Variants in LRRC9 observed in about 807,000 individuals in gnomAD.
LRRC9 encodes the protein leucine rich repeat containing 9.
Under a neutral mutation model 63.2 loss-of-function variants are expected in LRRC9, and 122 were observed. That is an observed-to-expected ratio of 1.93 (90% CI 1.67 to 2.24). The LOEUF (loss-of-function observed/expected upper bound fraction) is 2.24, where lower values mean the gene tolerates loss of function less well. Ranked by LOEUF, LRRC9 falls within the 30% of genes most tolerant of loss-of-function variation. LRRC9 has a pLI of 0.00. For synonymous variants in LRRC9, 366 were observed against 213.1 expected, an observed-to-expected ratio of 1.72 and a Z score of -6.25; for missense variants, 1,071 against 627.7, an observed-to-expected ratio of 1.71 and a Z score of -7.55.
exon 18 of LRRC9, chr14:59,997,791 T>A: frequency 1.4e-6 from 1 of 702,220 alleles, no homozygotes; most frequent in Non-Finnish European, 2.6e-6. Flanking sequence ...AAATATGTTA[T>A]GCAAACACAC....
chr14:60,058,349 CA>C lies in LRRC9; in HGVS notation c.4276+330del, dbSNP rs767581688. Among the ~76,000 whole-genome samples the C allele has an allele frequency of 1.6e-4, 24 of 152,180 alleles. No homozygotes were observed. Among genetic ancestry groups the C allele is most frequent in the Non-Finnish European group, 3.1e-4 (21 of 67,976 alleles). ...TTATTTCATTTCATGGATGTCAGAG[CA>C]AACAACTACTAAAACCAGTTCATTA... On this transcript the variant is annotated intron_variant, in intron 31 of 31. Coordinates refer to ENST00000445360, the Ensembl canonical transcript of LRRC9. This position sits in a 1 kb window ranked among gnomAD's most constrained non-coding sequence, Gnocchi z 4.4.
At chr14:60,019,379 C>A (rs932378222) in intron 26 of LRRC9, 119 bp downstream of exon 26, 8 of 454,330 alleles carry the variant, frequency 1.8e-5, no homozygotes, top group Non-Finnish European at 2.7e-5. Flanking sequence ...TATTGTAATA[C>A]CTATTTTATT....
intron 17 of LRRC9, 67 bp downstream of exon 17, chr14:59,985,291 C>T (rs1887344732): frequency 3.6e-6 from 2 of 555,242 alleles, no homozygotes; most frequent in African/African-American, 3.7e-5. Context: ...TGGTGGTTAT[C>T]AGGGCCTAAG....
At chr14:60,054,009 G>GA in intron 30 of LRRC9, 1 of 421,202 alleles carries the variant, frequency 2.4e-6, no homozygotes, top group East Asian at 7.1e-5. Flanking sequence ...GAATATAAAT[G>GA]AATCTTTGAT....
chr14:59,992,739 G>A (rs139758821), intron 17 of LRRC9, among the ~76,000 whole-genome samples: 3,824 of 152,198 alleles, frequency 0.025, 115 homozygotes, highest in African/African-American at 0.079. Flanking sequence ...GAAATGAAGC[G>A]AGAAGAGAAG....
intron 29 of LRRC9, among the ~76,000 whole-genome samples, chr14:60,047,213 G>T (rs1016393667): frequency 6.6e-6 from 1 of 152,102 alleles, no homozygotes; most frequent in African/African-American, 2.4e-5. Context: ...AACAAACATA[G>T]TCGGAATTCC....
Position 59,938,158 on chromosome 14 carries a change from A to G in LRRC9, c.544-232A>G, listed in dbSNP as rs552510334. ...AGGTTCCAGCTGGAATACATGATTT[A>G]GTAAATATTTAAAAGGCATAGTGGT... On this transcript the variant is annotated intron_variant, in intron 6 of 31. Coordinates refer to ENST00000445360, the Ensembl canonical transcript of LRRC9. The surrounding 1 kb of genome is among the most constrained non-coding windows in gnomAD (Gnocchi z 4.2). Among the ~76,000 whole-genome samples, 2 of 152,288 alleles carry G rather than the reference A, an allele frequency of 1.3e-5. No individual in the cohort carries two copies. The highest frequency in any genetic ancestry group is 3.9e-4 in the East Asian group (2 of 5,192).
chr14:59,974,227 C>T (rs1320179071), intron 12 of LRRC9, among the ~76,000 whole-genome samples: 1 of 152,072 alleles, frequency 6.6e-6, no homozygotes, highest in Non-Finnish European at 1.5e-5. Flanking sequence ...TATAATACCT[C>T]ATTCCATTAG....
intron 19 of LRRC9, 96 bp from the exon 20 acceptor site, chr14:60,001,870 C>A (rs1889395418): frequency 4.7e-6 from 2 of 423,336 alleles, no homozygotes; most frequent in South Asian, 7.3e-5. Context: ...ATTTATTGGG[C>A]CACTCATCTT....
At chr14:60,059,160 T>C (rs7143989) in intron 31 of LRRC9, 82 of 152,340 alleles carry the variant, frequency 5.4e-4, no homozygotes, top group African/African-American at 1.8e-3. Flanking sequence ...TTATTGCATT[T>C]CACAGATATT....
In LRRC9 at chr14:60,051,246, A is replaced by G. The variant is rs1303422352; in HGVS notation, c.3991-1819A>G. ...CACAGGAGTTCCATCCCAGGGAGAG[A>G]TCAGGGTTCAGTGCATATAAGACTG... On this transcript the variant is annotated intron_variant, in intron 29 of 31. Coordinates refer to ENST00000445360, the Ensembl canonical transcript of LRRC9. This position sits in a 1 kb window ranked among gnomAD's most constrained non-coding sequence, Gnocchi z 4.7. Among the ~76,000 whole-genome samples, 2 of 152,170 alleles carry G rather than the reference A, an allele frequency of 1.3e-5. No individual in the cohort carries two copies. The highest frequency in any genetic ancestry group is 2.9e-5 in the Non-Finnish European group (2 of 68,016).
intron 28 of LRRC9, among the ~76,000 whole-genome samples, chr14:60,030,854 A>C (rs1157804411): frequency 1.3e-5 from 2 of 152,078 alleles, no homozygotes; most frequent in Non-Finnish European, 2.9e-5. Flanking sequence ...GCATATTAAA[A>C]ATGGGAAGCC....
At position 60,027,545 on chromosome 14, in the gene LRRC9, G is replaced by A. The variant is rs1467840550; in HGVS notation, c.3704-339G>A. ...TCTATTAGAGTACTAATATACTCAG[G>A]AAGCGTATCTTCTGCAGCAGTCTTC... On this transcript the variant is annotated intron_variant, in intron 27 of 31. Transcript: ENST00000445360. This position sits in a 1 kb window ranked among gnomAD's most constrained non-coding sequence, Gnocchi z 4.0. 3.3e-5 allele frequency among the ~76,000 whole-genome samples: 5 copies of A among 151,768 alleles called. No homozygotes were observed. The highest frequency in any genetic ancestry group is 5.9e-5 in the Non-Finnish European group (4 of 67,916).
rs1894059563 is a variant in LRRC9 at position 60,053,568 on chromosome 14, C to T, written c.4131+363C>T. ...AACATATCACTTTCATAAATAGAAA[C>T]TAACAATAAAACTATTTCCCTTTAG... On this transcript the variant is annotated intron_variant, in intron 30 of 31. Transcript: ENST00000445360. The surrounding 1 kb of genome is among the most constrained non-coding windows in gnomAD (Gnocchi z 4.8). 6.6e-6 allele frequency among the ~76,000 whole-genome samples: 1 copy of T among 152,100 alleles called. No homozygotes were observed. The highest frequency in any genetic ancestry group is 2.4e-5 in the African/African-American group (1 of 41,422).
intron 17 of LRRC9, among the ~76,000 whole-genome samples, chr14:59,993,992 C>A (rs1888460890): frequency 1.3e-5 from 2 of 152,168 alleles, no homozygotes; most frequent in South Asian, 2.1e-4. Flanking sequence ...CTCTCCACCC[C>A]AAATCAACAG....
At chr14:59,985,040 A>G (rs959451270) in intron 16 of LRRC9, 65 bp from the exon 17 acceptor site, 2 of 496,730 alleles carry the variant, frequency 4.0e-6, no homozygotes, top group Non-Finnish European at 7.2e-6. Flanking sequence ...TTACATATCC[A>G]CACTTCAGTT....
At position 60,010,577 on chromosome 14, in the gene LRRC9, G is replaced by A. The variant is rs769417652; in HGVS notation, c.3186+2363G>A. Among the ~76,000 whole-genome samples the A allele has an allele frequency of 7.2e-5, 11 of 152,250 alleles. No homozygotes were observed. In the East Asian group the frequency reaches 1.7e-3, roughly 24 times the overall value. On this transcript the variant is annotated intron_variant, in intron 23 of 31. Coordinates refer to ENST00000445360, the Ensembl canonical transcript of LRRC9. The stretch of plus-strand genomic sequence containing the variant: ...CTTGGCGATTTGCATTTGGCACCTC[G>A]TTACTTATGCAAATTTCTGCAGCCA...
rs571732988 is a variant in LRRC9, at chr14:60,033,178, T to C, written c.3990+1115T>C. 6.6e-5 allele frequency among the ~76,000 whole-genome samples: 10 copies of C among 152,258 alleles called. No homozygotes were observed. In the South Asian group the frequency reaches 1.9e-3, roughly 28 times the overall value. The stretch of plus-strand genomic sequence containing the variant: ...TCTGATTTTTGTATATTGCTTTTCA[T>C]CTAGGAATCTTGCTGAACCCTCTTT... On this transcript the variant is annotated intron_variant, in intron 29 of 31. Coordinates refer to ENST00000445360, the Ensembl canonical transcript of LRRC9.
At chr14:60,033,903 C>A (rs1892196101) in intron 29 of LRRC9, among the ~76,000 whole-genome samples, 1 of 151,404 alleles carries the variant, frequency 6.6e-6, no homozygotes, top group Non-Finnish European at 1.5e-5. Flanking sequence ...ATATTTTAAA[C>A]TACTTAAATT....
Sources: gnomAD v4.1 joint callset for allele counts (sites outside exome capture counted in the v4.1 genomes callset) on GRCh38, gnomAD v4.1.1 for gene constraint, Gnocchi (gnomAD v3.1) non-coding constraint, MANE v1.5 for transcripts, NCBI Gene and HGNC (gene_info 2026-07-23, HGNC 2026-07-21) for gene names.